PABPN1L: variants seen among roughly 807,000 people sequenced by gnomAD.
PABPN1L encodes the protein PABPN1 like, cytoplasmic, also known as embryonic polyadenylate-binding protein 2.
A neutral mutation model predicts 34.0 loss-of-function variants in PABPN1L; 45 were observed. The observed-to-expected ratio is 1.32, with a 90% CI of 1.04 to 1.70. The LOEUF is 1.70. Among genes scored for constraint, PABPN1L ranks in the 40% most tolerant of loss-of-function variants. The pLI, the probability that PABPN1L is intolerant of heterozygous loss-of-function variation, is 0.00. For synonymous variants in PABPN1L, 182 were observed against 152.1 expected (o/e 1.20, Z -1.45); for missense variants, 459 against 367.8 (o/e 1.25, Z -2.03).
rs371616412 is a variant in PABPN1L, at chr16:88,866,607, G to C, written c.-1C>G. 8.1e-4 allele frequency: 1,242 copies of C among 1,540,220 alleles called. 11 individuals carry two copies. In the African/African-American group the frequency reaches 0.015, roughly 19 times the overall value. On this transcript the variant is annotated 5_prime_UTR_variant, in exon 1 of 7. Coordinates refer to ENST00000419291, the Ensembl canonical transcript of PABPN1L. ...GAGAGCGGCTCGGGAAGGGCCACAT[G>C]GTAGAGGGGCAGGAGGAAGGTGGGC...
At chr16:88,863,754 C>G (rs1477483220) in exon 7 of PABPN1L, 2 of 1,536,136 alleles carry the variant, frequency 1.3e-6, no homozygotes, top group Non-Finnish European at 8.7e-7. Flanking sequence ...CGGGTCTTCC[C>G]TTTAATACGG....
chr16:88,866,413 G>A, exon 1 of PABPN1L: 5 of 1,551,260 alleles, frequency 3.2e-6, no homozygotes, highest in Non-Finnish European at 4.4e-6. Flanking sequence ...CAGAAAGCCT[G>A]CATCCCCATC....
rs115461902 is a variant in PABPN1L, at chr16:88,865,876, T to G, written c.321A>C (p.Pro107=). The G allele has an allele frequency of 3.9e-3, 6,335 of 1,609,838 alleles. 223 individuals are homozygous for G. In the African/African-American group the frequency reaches 0.073, roughly 19 times the overall value. ...CTTCCTCGGCCTGTTGCTGCACTCC[T>G]GGAGGCCGTGGCGTCCCCTCGGCCT... Residue 107 remains proline, a synonymous_variant, in exon 2 of 7, where the codon CCA becomes CCC. Transcript: ENST00000419291.
rs547882779 is a variant in PABPN1L, at chr16:88,865,884, G to A, written c.313C>T (p.Arg105Trp). The A allele has an allele frequency of 6.8e-6, 11 of 1,609,602 alleles. No homozygotes were observed. The highest frequency in any genetic ancestry group is 2.2e-5 in the East Asian group (1 of 44,832). The change falls in exon 2 of 7, where the codon CGG becomes TGG. Residue 105 changes from arginine to tryptophan, a missense_variant. Transcript: ENST00000419291. ...GCCTGTTGCTGCACTCCTGGAGGCC[G>A]TGGCGTCCCCTCGGCCTGCTCCATG...
chr16:88,869,333 C>T (rs559345501), upstream of PABPN1L, among the ~76,000 whole-genome samples: 10 of 152,312 alleles, frequency 6.6e-5, no homozygotes, highest in East Asian at 1.2e-3. Flanking sequence ...TCCCTGGCTC[C>T]GCACAGCCAC....
At chr16:88,864,359 G>A (rs1172759476) in exon 6 of PABPN1L, 1 of 1,556,224 alleles carries the variant, frequency 6.4e-7, no homozygotes, top group East Asian at 2.4e-5. Context: ...TCCCAGGGAA[G>A]TTGGTTCTTT....
At chr16:88,869,183 C>T (rs546363324), upstream of PABPN1L, among the ~76,000 whole-genome samples, 7 of 152,342 alleles carry the variant, frequency 4.6e-5, no homozygotes, top group East Asian at 1.2e-3. Flanking sequence ...TCTTTTCCCA[C>T]CTCCAGGAGG....
chr16:88,866,600 G>A (rs1227721527), exon 1 of PABPN1L: 7 of 1,544,696 alleles, frequency 4.5e-6, no homozygotes. Context: ...CTCGGGAAGG[G>A]CCACATGGTA....
exon 7 of PABPN1L, chr16:88,863,392 T>C (rs1363614840): frequency 5.0e-6 from 2 of 398,040 alleles, no homozygotes; most frequent in African/African-American, 2.0e-5. Flanking sequence ...GACACACGTT[T>C]CTATTTTTCT....
exon 7 of PABPN1L, chr16:88,863,756 T>A (rs1968505733): frequency 6.5e-7 from 1 of 1,536,040 alleles, no homozygotes; most frequent in Non-Finnish European, 8.7e-7. Flanking sequence ...GGTCTTCCCT[T>A]TAATACGGTG....
chr16:88,866,703 C>T, upstream of PABPN1L: 2 of 1,420,484 alleles, frequency 1.4e-6, no homozygotes, highest in South Asian at 3.0e-5. Flanking sequence ...TTAAGCCCTC[C>T]CCTGAGGCCA....
exon 2 of PABPN1L, chr16:88,865,846 C>T: frequency 2.5e-6 from 4 of 1,609,870 alleles, no homozygotes; most frequent in African/African-American, 1.3e-5. Flanking sequence ...CCGCGGTGCC[C>T]TCCTCTTCCT....
At chr16:88,864,237 C>G in exon 6 of PABPN1L, 1 of 1,558,172 alleles carries the variant, frequency 6.4e-7, no homozygotes, top group Non-Finnish European at 8.7e-7. Flanking sequence ...ACCCACTCAC[C>G]GGTTCTGCCC....
upstream of PABPN1L, among the ~76,000 whole-genome samples, chr16:88,869,336 A>G (rs1159579950): frequency 6.6e-6 from 1 of 152,160 alleles, no homozygotes; most frequent in African/African-American, 2.4e-5. Context: ...CTGGCTCCGC[A>G]CAGCCACACA....
At chr16:88,866,313 G>A (rs1195375836) in intron 1 of PABPN1L, 39 bp downstream of exon 1, 1 of 1,532,480 alleles carries the variant, frequency 6.5e-7, no homozygotes, top group Admixed American at 2.0e-5. Context: ...CTGTGCCCCA[G>A]GTCCCCTGAG....
chr16:88,865,444 G>A, intron 3 of PABPN1L, 119 bp downstream of exon 3: 1 of 1,269,752 alleles, frequency 7.9e-7, no homozygotes, highest in Non-Finnish European at 1.1e-6. Flanking sequence ...TGACGGGGCT[G>A]CCCCCAGGGT....
exon 7 of PABPN1L, chr16:88,863,694 G>C: frequency 1.3e-6 from 2 of 1,519,822 alleles, no homozygotes; most frequent in Non-Finnish European, 1.8e-6. Context: ...CCCCAGGATG[G>C]AGCACAAGTG....
chr16:88,863,969 A>G (rs78394488), intron 6 of PABPN1L, among the ~76,000 whole-genome samples, 174 bp from the exon 7 acceptor site: 13,868 of 152,174 alleles, frequency 0.091, 1,427 homozygotes, highest in African/African-American at 0.26. Context: ...TCCCACGAAA[A>G]GGAAAGGCAG....
At chr16:88,867,863 C>G (rs1968632892), upstream of PABPN1L, among the ~76,000 whole-genome samples, 1 of 152,200 alleles carries the variant, frequency 6.6e-6, no homozygotes, top group Non-Finnish European at 1.5e-5. Context: ...GGGGGTCATG[C>G]ATGGCTCTTA....
Sources: gnomAD v4.1 joint callset for allele counts (sites outside exome capture counted in the v4.1 genomes callset) on GRCh38, gnomAD v4.1.1 for gene constraint, MANE v1.5 for transcripts, NCBI Gene and HGNC (gene_info 2026-07-23, HGNC 2026-07-21) for gene names.